Variants in NBPF14 observed in about 807,000 individuals in gnomAD.
NBPF14 encodes the protein NBPF family member NBPF14.
A neutral mutation model predicts 91.2 loss-of-function variants in NBPF14; 104 were observed. The ratio of observed to expected loss-of-function variants is 1.14; its 90% CI spans 0.97 to 1.34. The LOEUF (loss-of-function observed/expected upper bound fraction) is 1.34. NBPF14 is among the 40% of genes most tolerant of loss of function. NBPF14 has a pLI of 0.00. For missense variants in NBPF14, 908 were observed against 783.0 expected (o/e 1.16, Z -1.91); for synonymous variants, 294 against 303.8 (o/e 0.97, Z 0.34).
At chr1:148,534,428 C>A (rs1409819334) in intron 69 of NBPF14, among the ~76,000 whole-genome samples, 2 of 151,724 alleles carry the variant, frequency 1.3e-5, no homozygotes, top group African/African-American at 2.4e-5. Flanking sequence ...CACATCTGCC[C>A]AGGTCCAATG....
rs1209598080 is a variant in NBPF14 at position 148,594,847 on chromosome 1, G to A, written c.175+696C>T. Among the ~76,000 whole-genome samples the A allele has an allele frequency of 2.5e-4, 22 of 86,358 alleles. 7 individuals are homozygous for A. The South Asian group carries it at 3.2e-3, about 13-fold the overall frequency. 56.7% of individuals were successfully genotyped at this position (86,358 alleles called of 152,430 possible). ...CGATTAGTGGTGATTACAGTTGCCCGCCAGGATGCCCATCCACTTTTTGTA... is the reference window on the plus strand; with the variant it reads ...CGATTAGTGGTGATTACAGTTGCCCACCAGGATGCCCATCCACTTTTTGTA... On this transcript the variant is annotated intron_variant, in intron 2 of 70. Coordinates refer to ENST00000619423, the Ensembl canonical transcript of NBPF14.
At position 148,578,049 on chromosome 1, in the gene NBPF14, A is replaced by C. The variant is rs1390723456; in HGVS notation, c.1802-15T>G. ...CCACCGATGTCCTGCAAATAAATTC[A>C]GATGTGCCCTCTTACATTAAGTTCT... On this transcript the variant is annotated splice_polypyrimidine_tract_variant and intron_variant, in intron 13 of 70. Coordinates refer to ENST00000619423, the Ensembl canonical transcript of NBPF14. The C allele has an allele frequency of 2.8e-6, 2 of 702,568 alleles. No homozygotes were observed. Among genetic ancestry groups the C allele is most frequent in the African/African-American group, 3.6e-5 (2 of 55,814 alleles). The allele number at this position is 702,568 out of a possible 1,614,324, so 43.5% of individuals were successfully genotyped here.
At chr1:148,534,915 C>A (rs1267684346) in intron 68 of NBPF14, 59 bp from the exon 69 acceptor site, 2 of 727,088 alleles carry the variant, frequency 2.8e-6, no homozygotes, top group Non-Finnish European at 2.5e-6. Flanking sequence ...CACACAGCCC[C>A]AGCTAGATTT....
intron 68 of NBPF14, among the ~76,000 whole-genome samples, 190 bp downstream of exon 68, chr1:148,535,263 G>A (rs1246224665): frequency 2.7e-5 from 4 of 150,830 alleles, no homozygotes; most frequent in Admixed American, 6.6e-5. Flanking sequence ...CCTACAGTAA[G>A]TGAGTAAATG....
At chr1:148,572,508 T>A in exon 21 of NBPF14, 1 of 600,888 alleles carries the variant, frequency 1.7e-6, no homozygotes, top group Middle Eastern at 4.1e-4. Context: ...GCTGTAGGGC[T>A]GGCCTAAGTC....
At chr1:148,534,319 T>C (rs1183468585) in intron 69 of NBPF14, among the ~76,000 whole-genome samples, 1 of 151,836 alleles carries the variant, frequency 6.6e-6, no homozygotes, top group African/African-American at 2.4e-5. Context: ...CATCAAATAC[T>C]CAGATTGTTC....
At chr1:148,533,248 C>T (rs782429630) in exon 71 of NBPF14, 1 of 688,906 alleles carries the variant, frequency 1.5e-6, no homozygotes, top group East Asian at 2.9e-5. Context: ...CGCCGTTGAG[C>T]CTGGAAAAGG....
chr1:148,595,651 T>C, exon 2 of NBPF14: 1 of 1,394,592 alleles, frequency 7.2e-7, no homozygotes, highest in East Asian at 2.3e-5. Flanking sequence ...GGGCGCAATG[T>C]CTCGTTGATT....
chr1:148,539,266 G>C lies in NBPF14; in HGVS notation c.7882+144C>G. ...GTCTAGGCTTCCAACTGAGACTACA[G>C]TTTCTTTACAACCTATATGCGCCCA... On this transcript the variant is annotated intron_variant, in intron 63 of 70. Transcript: ENST00000619423. 1.1e-5 allele frequency: 7 copies of C among 621,626 alleles called. 2 individuals are homozygous for C. Among genetic ancestry groups the C allele is most frequent in the South Asian group, 6.7e-5 (4 of 59,668 alleles). 38.5% of individuals were successfully genotyped at this position (621,626 alleles called of 1,614,324 possible). A position where few individuals can be genotyped will look rare whatever the true frequency, so the allele number is the denominator to read the frequency against.
In NBPF14 at chr1:148,557,729, G is replaced by C. The variant is rs1282784962; in HGVS notation, c.4955-187C>G. On this transcript the variant is annotated intron_variant, in intron 39 of 70. Transcript: ENST00000619423. ...CCTTGCTTTGCATCTCAGAACCAAG[G>C]GTGAAATATCCCCATTCTGGTAGAT... Among the ~76,000 whole-genome samples, 16 of 128,756 alleles carry C rather than the reference G, an allele frequency of 1.2e-4. 4 individuals carry two copies. Among genetic ancestry groups the C allele is most frequent in the African/African-American group, 5.8e-4 (16 of 27,706 alleles). The allele number at this position is 128,756 out of a possible 152,430, so 84.5% of individuals were successfully genotyped here. A position where few individuals can be genotyped will look rare whatever the true frequency, so the allele number is the denominator to read the frequency against.
At chr1:148,580,371 GA>G (rs1660729207) in intron 12 of NBPF14, among the ~76,000 whole-genome samples, 1 of 89,156 alleles carries the variant, frequency 1.1e-5, no homozygotes, top group African/African-American at 4.5e-5. Context: ...TCAAATTAGT[GA>G]AATGAAGCGA....
At chr1:148,593,056 A>C (rs1176786606) in intron 3 of NBPF14, among the ~76,000 whole-genome samples, 2 of 146,876 alleles carry the variant, frequency 1.4e-5, no homozygotes, top group Non-Finnish European at 3.0e-5. Context: ...ACATCCTTTC[A>C]GTTCCTCACT....
intron 11 of NBPF14, among the ~76,000 whole-genome samples, chr1:148,584,162 T>C (rs1291448918): frequency 2.6e-5 from 4 of 152,270 alleles, no homozygotes; most frequent in Non-Finnish European, 5.9e-5. Flanking sequence ...CAGGGACAGA[T>C]GACTTAATCA....
At position 148,572,680 on chromosome 1, in the gene NBPF14, G is replaced by T. The variant is rs1202071062; in HGVS notation, c.2586-65C>A. 4.7e-5 allele frequency: 32 copies of T among 680,640 alleles called. 4 individuals carry two copies. In the East Asian group the frequency reaches 6.6e-4, roughly 14 times the overall value. The allele number at this position is 680,640 out of a possible 1,614,324, so 42.2% of individuals were successfully genotyped here. A position where few individuals can be genotyped will look rare whatever the true frequency, so the allele number is the denominator to read the frequency against. ...ATCAGAAACCACACAGCCCCAGCTA[G>T]ATTTCATGGCTAACGTAAGGAAGAG... On this transcript the variant is annotated intron_variant, in intron 20 of 70. Transcript: ENST00000619423.
At chr1:148,532,453 G>GGACT in exon 71 of NBPF14, 1 of 155,310 alleles carries the variant, frequency 6.4e-6, no homozygotes, top group South Asian at 1.8e-4. Context: ...GGAGGCTGAA[G>GGACT]GACTGTGGCT....
At chr1:148,566,468 C>T (rs1424028592) in intron 28 of NBPF14, among the ~76,000 whole-genome samples, 153 bp from the exon 29 acceptor site, 6 of 142,496 alleles carry the variant, frequency 4.2e-5, no homozygotes, top group Admixed American at 1.4e-4. Flanking sequence ...CATGTTGGGA[C>T]AGAACAGGGC....
rs2149475816 is a variant in NBPF14, at chr1:148,535,499, C to A, written c.8395G>T (p.Glu2799Ter). The change falls in exon 68 of 71, where the codon GAA becomes TAA. Residue 2799 changes from glutamate (E) to a stop codon, truncating the protein, a stop_gained. Coordinates refer to ENST00000619423, the Ensembl canonical transcript of NBPF14. LOFTEE classifies it high-confidence loss of function. ...TCTTCTTCCACTTCTTGGTACTTTT[C>A]AATTTCTGCAATAAGTTCAGACATG... is the stretch of plus-strand genomic sequence containing the variant. 9.3e-6 allele frequency: 4 copies of A among 427,928 alleles called. No individual in the cohort carries two copies. In the East Asian group the frequency reaches 1.7e-4, roughly 18 times the overall value. 26.5% of individuals were successfully genotyped at this position (427,928 alleles called of 1,614,324 possible). A position where few individuals can be genotyped will look rare whatever the true frequency, so the allele number is the denominator to read the frequency against.
intron 43 of NBPF14, among the ~76,000 whole-genome samples, chr1:148,554,662 GGCT>G (rs1656400401): frequency 6.8e-6 from 1 of 147,376 alleles, no homozygotes; most frequent in Non-Finnish European, 1.5e-5. Context: ...GCCCCCAAAT[GGCT>G]GCTAAGAGAA....
chr1:148,532,071 C>T (rs1481517288), exon 71 of NBPF14: 3 of 152,028 alleles, frequency 2.0e-5, no homozygotes, highest in Non-Finnish European at 4.4e-5. Context: ...ATTTGGGGTT[C>T]AAAATAACTA....
Sources: gnomAD v4.1 joint callset for allele counts (sites outside exome capture counted in the v4.1 genomes callset) on GRCh38, gnomAD v4.1.1 for gene constraint, MANE v1.5 for transcripts, NCBI Gene and HGNC (gene_info 2026-07-23, HGNC 2026-07-21) for gene names.